Variants in RUNDC3B observed in about 807,000 individuals in gnomAD.
RUNDC3B encodes the protein RUN domain containing 3B.
A neutral mutation model predicts 58.4 loss-of-function variants in RUNDC3B; 33 were observed. The observed-to-expected ratio is 0.56, with a 90% CI of 0.43 to 0.75. The LOEUF is 0.75. RUNDC3B is among the 30% of genes least tolerant of loss of function. RUNDC3B has a pLI of 0.00. For missense variants in RUNDC3B, 501 were observed against 535.7 expected (o/e 0.94, Z 0.64); for synonymous variants, 193 against 195.2 (o/e 0.99, Z 0.10).
chr7:87,641,802 A>T (rs906426526), intron 1 of RUNDC3B, among the ~76,000 whole-genome samples: 2 of 152,210 alleles, frequency 1.3e-5, no homozygotes, highest in Admixed American at 1.3e-4. Context: ...ATCTCCAGTG[A>T]TGGTGATTGT....
At chr7:87,675,737 T>C (rs1826289502) in intron 2 of RUNDC3B, among the ~76,000 whole-genome samples, 1 of 150,118 alleles carries the variant, frequency 6.7e-6, no homozygotes, top group African/African-American at 2.4e-5. Flanking sequence ...CTTTCTCTTA[T>C]ATCATACACA....
At chr7:87,630,989 AATT>A (rs1304454142) in intron 1 of RUNDC3B, among the ~76,000 whole-genome samples, 11 of 152,176 alleles carry the variant, frequency 7.2e-5, no homozygotes, top group Non-Finnish European at 1.2e-4. Flanking sequence ...TAATTTACAT[AATT>A]ATTATTTTCT....
chr7:87,720,061 T>C (rs1030782475), intron 4 of RUNDC3B, among the ~76,000 whole-genome samples: 1 of 148,656 alleles, frequency 6.7e-6, no homozygotes, highest in African/African-American at 2.5e-5. Flanking sequence ...CAAAATACAA[T>C]TGAAAAACTG....
At chr7:87,753,199 A>T (rs1444593124) in intron 6 of RUNDC3B, among the ~76,000 whole-genome samples, 1 of 150,664 alleles carries the variant, frequency 6.6e-6, no homozygotes, top group East Asian at 1.9e-4. Flanking sequence ...TGAGATTCTT[A>T]ATCCTGAGTT....
chr7:87,808,329 T>A (rs1836545301), intron 9 of RUNDC3B, among the ~76,000 whole-genome samples: 1 of 151,872 alleles, frequency 6.6e-6, no homozygotes, highest in East Asian at 1.9e-4. Context: ...TCTTTTAGAG[T>A]CCTTGCTTGT....
intron 1 of RUNDC3B, among the ~76,000 whole-genome samples, chr7:87,637,326 A>C (rs918066047): frequency 6.6e-6 from 1 of 152,080 alleles, no homozygotes; most frequent in African/African-American, 2.4e-5. Context: ...AATACCTATA[A>C]CTTTATATTA....
intron 6 of RUNDC3B, among the ~76,000 whole-genome samples, chr7:87,761,506 G>A (rs13437893): frequency 0.049 from 7,388 of 151,782 alleles, 267 homozygotes; most frequent in East Asian, 0.092. Context: ...GAAAACATGC[G>A]GTCAAACAGA....
intron 4 of RUNDC3B, among the ~76,000 whole-genome samples, chr7:87,737,188 A>G (rs1832036846): frequency 6.6e-6 from 1 of 151,932 alleles, no homozygotes; most frequent in South Asian, 2.1e-4. Context: ...ATGAGCCACC[A>G]GGCCTGGCAT....
chr7:87,751,859 C>A (rs1833015834), intron 6 of RUNDC3B, among the ~76,000 whole-genome samples: 1 of 152,178 alleles, frequency 6.6e-6, no homozygotes, highest in Non-Finnish European at 1.5e-5. Flanking sequence ...AATTGAATAC[C>A]CTTTATTTCC....
In RUNDC3B at chr7:87,711,226, G is replaced by A. The variant is rs557235940; in HGVS notation, c.458+571G>A. On this transcript the variant is annotated intron_variant, in intron 4 of 10. Transcript: ENST00000394654. ...CTGTAATCCCAGCTACTCGGGAGGC[G>A]GAGGTAGGAGAATAGTTTGAACCCA... 6.6e-5 allele frequency among the ~76,000 whole-genome samples: 10 copies of A among 151,992 alleles called. No individual in the cohort carries two copies. The East Asian group carries it at 7.7e-4, about 12-fold the overall frequency.
intron 1 of RUNDC3B, among the ~76,000 whole-genome samples, chr7:87,633,757 A>T (rs1407765520): frequency 6.6e-6 from 1 of 152,174 alleles, no homozygotes; most frequent in Non-Finnish European, 1.5e-5. Context: ...GGTGCTAACT[A>T]ATCAGAAAAA....
At chr7:87,658,454 A>G (rs1250489275) in intron 2 of RUNDC3B, among the ~76,000 whole-genome samples, 2 of 152,222 alleles carry the variant, frequency 1.3e-5, no homozygotes, top group East Asian at 1.9e-4. Flanking sequence ...GAGAGAAGAA[A>G]GAAGGTGGGA....
chr7:87,636,460 T>C (rs1821787328), intron 1 of RUNDC3B, among the ~76,000 whole-genome samples: 1 of 152,186 alleles, frequency 6.6e-6, no homozygotes, highest in Non-Finnish European at 1.5e-5. Flanking sequence ...TTGTACATTC[T>C]GTATGGGAAT....
intron 2 of RUNDC3B, among the ~76,000 whole-genome samples, chr7:87,676,120 A>G (rs928494990): frequency 6.6e-6 from 1 of 152,108 alleles, no homozygotes; most frequent in South Asian, 2.1e-4. Context: ...CCAGCTACTC[A>G]TAAGGCTGAG....
At chr7:87,639,153 CAA>C (rs71117547) in intron 1 of RUNDC3B, among the ~76,000 whole-genome samples, 43 of 87,732 alleles carry the variant, frequency 4.9e-4, no homozygotes, top group African/African-American at 1.9e-3. Context: ...GACTCCGTCT[CAA>C]AAAAAAAAAA....
intron 2 of RUNDC3B, among the ~76,000 whole-genome samples, chr7:87,660,787 G>A (rs1824624083): frequency 6.6e-6 from 1 of 151,762 alleles, no homozygotes; most frequent in African/African-American, 2.4e-5. Flanking sequence ...TCATTTTTAA[G>A]TAATTTCTAC....
At chr7:87,684,544 C>T (rs753721096) in intron 2 of RUNDC3B, among the ~76,000 whole-genome samples, 6 of 151,714 alleles carry the variant, frequency 4.0e-5, no homozygotes, top group Non-Finnish European at 5.9e-5. Context: ...GTCAAGAGAT[C>T]GAGACCATCC....
At chr7:87,745,654 A>T (rs565351310) in intron 6 of RUNDC3B, among the ~76,000 whole-genome samples, 2 of 152,150 alleles carry the variant, frequency 1.3e-5, no homozygotes, top group South Asian at 4.1e-4. Flanking sequence ...TGTCAGTTGT[A>T]ATATCTCGTT....
At chr7:87,758,610 A>G (rs1391722813) in intron 6 of RUNDC3B, among the ~76,000 whole-genome samples, 1 of 152,258 alleles carries the variant, frequency 6.6e-6, no homozygotes, top group African/African-American at 2.4e-5. Flanking sequence ...ATATGTAAAG[A>G]GTTCAAACAA....
Sources: allele counts gnomAD v4.1 joint callset (sites outside exome capture counted in the v4.1 genomes callset), GRCh38; gene constraint gnomAD v4.1.1; transcripts MANE v1.5; gene names NCBI Gene and HGNC (gene_info 2026-07-23, HGNC 2026-07-21).